Variants in NUP35 observed in about 807,000 individuals in gnomAD.
The protein encoded by NUP35 is nucleoporin NUP35.
Under a neutral mutation model 41.5 loss-of-function variants are expected in NUP35, and 25 were observed. That is an observed-to-expected ratio of 0.60 (90% CI 0.44 to 0.84). NUP35 has a LOEUF of 0.84. Ranked by LOEUF, NUP35 falls within the 40% of genes least tolerant of loss-of-function variation. The pLI, the probability that NUP35 is intolerant of heterozygous loss-of-function variation, is 0.00. For synonymous variants in NUP35, 149 were observed against 130.7 expected, an observed-to-expected ratio of 1.14 and a Z score of -0.96; for missense variants, 396 against 396.6, an observed-to-expected ratio of 1.00 and a Z score of 0.01.
At chr2:183,155,356 G>A (rs1212094398) in intron 5 of NUP35, among the ~76,000 whole-genome samples, 1 of 152,136 alleles carries the variant, frequency 6.6e-6, no homozygotes, top group Non-Finnish European at 1.5e-5. Flanking sequence ...TCCCAAGCTA[G>A]TTTTCCTCCT....
chr2:183,154,039 C>T (rs182192884), intron 5 of NUP35, among the ~76,000 whole-genome samples: 1 of 151,188 alleles, frequency 6.6e-6, no homozygotes, highest in Non-Finnish European at 1.5e-5. Context: ...CTTCCACTCT[C>T]TGAAGCCACA....
At chr2:183,159,036 A>C (rs1161041558) in intron 7 of NUP35, among the ~76,000 whole-genome samples, 1 of 152,132 alleles carries the variant, frequency 6.6e-6, no homozygotes, top group African/African-American at 2.4e-5. Context: ...ACAAAGCAAG[A>C]TGTGGTTCCT....
intron 4 of NUP35, among the ~76,000 whole-genome samples, chr2:183,134,109 G>C (rs1433848243): frequency 6.6e-6 from 1 of 152,140 alleles, no homozygotes; most frequent in Non-Finnish European, 1.5e-5. Flanking sequence ...AGCAACCACT[G>C]ATTATATACC....
At chr2:183,158,744 A>C (rs1467955321) in intron 7 of NUP35, among the ~76,000 whole-genome samples, 1 of 152,168 alleles carries the variant, frequency 6.6e-6, no homozygotes, top group East Asian at 1.9e-4. Flanking sequence ...GCGATACCAG[A>C]TTCTTTAAAG....
intron 1 of NUP35, chr2:183,118,489 G>T (rs1420729162): frequency 6.6e-6 from 1 of 152,114 alleles, no homozygotes; most frequent in Non-Finnish European, 1.5e-5. Flanking sequence ...TTTAAAATTG[G>T]CAAACATGCA....
rs57022552 is a variant in NUP35, at chr2:183,161,340, C to T, written c.*209C>T. On this transcript the variant is annotated 3_prime_UTR_variant, in exon 9 of 9. Transcript: ENST00000295119. Reference sequence around the variant, plus strand: ...TACATTTTAAAGAAAACTAAAAATCCCTGTAAATAGGATTTTGTGCTTTCT... The same window carrying T: ...TACATTTTAAAGAAAACTAAAAATCTCTGTAAATAGGATTTTGTGCTTTCT... The T allele has an allele frequency of 0.018, 6,825 of 377,244 alleles. 444 individuals are homozygous for T. Among genetic ancestry groups the T allele is most frequent in the African/African-American group, 0.13 (6,221 of 49,162 alleles). 23.4% of individuals were successfully genotyped at this position (377,244 alleles called of 1,614,324 possible).
chr2:183,141,232 G>A (rs957814888), intron 4 of NUP35, among the ~76,000 whole-genome samples: 1 of 151,706 alleles, frequency 6.6e-6, no homozygotes, highest in African/African-American at 2.4e-5. Flanking sequence ...CTTCCCTGAA[G>A]TAAAATCTCC....
intron 4 of NUP35, among the ~76,000 whole-genome samples, chr2:183,134,405 AG>A (rs758920284): frequency 7.2e-5 from 11 of 151,946 alleles, no homozygotes; most frequent in African/African-American, 1.2e-4. Flanking sequence ...AAAGGGGGGG[AG>A]GGGGTAGAGA....
chr2:183,131,754 G>A (rs1684702691), intron 3 of NUP35, among the ~76,000 whole-genome samples: 1 of 152,160 alleles, frequency 6.6e-6, no homozygotes, highest in Non-Finnish European at 1.5e-5. Context: ...ATATTGAAAT[G>A]ATAATGTTTT....
chr2:183,153,250 A>G (rs7585172), intron 5 of NUP35, among the ~76,000 whole-genome samples: 123,202 of 152,048 alleles, frequency 0.81, 50,856 homozygotes, highest in East Asian at 0.99. Context: ...ATTTCATTTC[A>G]TCCTTGGCCC....
intron 4 of NUP35, among the ~76,000 whole-genome samples, chr2:183,146,913 A>T (rs1685300685): frequency 6.6e-6 from 1 of 152,050 alleles, no homozygotes; most frequent in African/African-American, 2.4e-5. Context: ...TGACTTTTTA[A>T]TAGTAGCCAT....
chr2:183,129,924 A>G (rs1223390810), intron 2 of NUP35, among the ~76,000 whole-genome samples: 1 of 152,202 alleles, frequency 6.6e-6, no homozygotes, highest in East Asian at 1.9e-4. Context: ...GTACTTAAAT[A>G]TATTTCTACT....
intron 4 of NUP35, among the ~76,000 whole-genome samples, chr2:183,147,955 A>G (rs1156712670): frequency 6.6e-6 from 1 of 150,484 alleles, no homozygotes; most frequent in South Asian, 2.1e-4. Context: ...AAATGGGATT[A>G]CATTTTTGAT....
chr2:183,150,953 G>C (rs1197066628), intron 4 of NUP35, among the ~76,000 whole-genome samples: 1 of 152,190 alleles, frequency 6.6e-6, no homozygotes, highest in Non-Finnish European at 1.5e-5. Context: ...TACTCAATTG[G>C]TGGCTGTTAC....
intron 4 of NUP35, among the ~76,000 whole-genome samples, chr2:183,149,518 G>T (rs1022247477): frequency 6.6e-6 from 1 of 152,180 alleles, no homozygotes; most frequent in Admixed American, 6.5e-5. Flanking sequence ...ACCTGAGTCT[G>T]TTGAATCACA....
At position 183,144,995 on chromosome 2, in the gene NUP35, A is replaced by C. The variant is rs146651119; in HGVS notation, c.398-6513A>C. Reference sequence around the variant, plus strand: ...TTGCTTGAAGATTATTACATGATGTAGCATAACTAAATTTTATCTTCTTAA... The same window carrying C: ...TTGCTTGAAGATTATTACATGATGTCGCATAACTAAATTTTATCTTCTTAA... On this transcript the variant is annotated intron_variant, in intron 4 of 8. Coordinates refer to ENST00000295119, the MANE Select transcript of NUP35 (RefSeq NM_138285.5). Among the ~76,000 whole-genome samples, 101 of 152,164 alleles carry C rather than the reference A, an allele frequency of 6.6e-4. 2 individuals carry two copies. The East Asian group carries it at 0.019, about 28-fold the overall frequency.
In NUP35 at chr2:183,158,263, G is replaced by A. The variant is rs754822288; in HGVS notation, c.610-20G>A. The A allele has an allele frequency of 6.8e-7, 1 of 1,469,848 alleles. No individual in the cohort carries two copies. Among genetic ancestry groups the A allele is most frequent in the Admixed American group, 2.2e-5 (1 of 45,314 alleles). 91.1% of individuals were successfully genotyped at this position (1,469,848 alleles called of 1,614,324 possible). ...ATTTTATATATTTTCTATTTTAAGA[G>A]ACAGTTTTATTCTTTGCAGATGTCT... On this transcript the variant is annotated intron_variant, in intron 6 of 8. Transcript: ENST00000295119.
chr2:183,125,279 T>G (rs77461554), intron 1 of NUP35, among the ~76,000 whole-genome samples: 5,499 of 151,986 alleles, frequency 0.036, 462 homozygotes, highest in African/African-American at 0.13. Flanking sequence ...GCGGATTTCT[T>G]TTTTTCCTGC....
rs74898606 is a variant in NUP35 at position 183,132,684 on chromosome 2, T to C, written c.340-882T>C. ...ACAAAGGCTTACAGATATTGCTGTA[T>C]TCAAAATGTTTGAAAGACTCGTGGG... On this transcript the variant is annotated intron_variant, in intron 3 of 8. Coordinates refer to ENST00000295119, the MANE Select transcript of NUP35 (RefSeq NM_138285.5). Among the ~76,000 whole-genome samples, 78 of 152,374 alleles carry C rather than the reference T, an allele frequency of 5.1e-4. No homozygotes were observed. In the East Asian group the frequency reaches 0.011, roughly 21 times the overall value.
Sources: allele counts gnomAD v4.1 joint callset (sites outside exome capture counted in the v4.1 genomes callset), GRCh38; gene constraint gnomAD v4.1.1; transcripts MANE v1.5; gene names NCBI Gene and HGNC (gene_info 2026-07-23, HGNC 2026-07-21).